The following AKAP19 variants were observed in gnomAD, a reference collection of about 807,000 sequenced individuals.
AKAP19 encodes the protein small A-kinase anchoring protein.
chr2:189,991,166 A>G, the AKAP19 span, among the ~76,000 whole-genome samples: 3,614 of 152,228 alleles, frequency 0.024, 146 homozygotes, highest in African/African-American at 0.083. Flanking sequence ...TGTGTATGCA[A>G]TTTTCTTTTT....
At chr2:190,056,876 G>A in the AKAP19 span, 1 of 228,008 alleles carries the variant, frequency 4.4e-6, no homozygotes, top group African/African-American at 2.3e-5. Flanking sequence ...TACCAATACT[G>A]TATGTGGATT....
At chr2:190,084,734 C>T in the AKAP19 span, among the ~76,000 whole-genome samples, 4 of 152,106 alleles carry the variant, frequency 2.6e-5, no homozygotes, top group South Asian at 2.1e-4. Context: ...CACGGGAGTA[C>T]GATAACCTAA....
At chr2:190,201,160 A>G in the AKAP19 span, 7 of 167,000 alleles carry the variant, frequency 4.2e-5, 1 homozygote, top group South Asian at 1.4e-3. Context: ...TTTAGTGGTA[A>G]CACAAGCCTA....
chr2:190,005,230 A>G, the AKAP19 span, among the ~76,000 whole-genome samples: 1 of 152,176 alleles, frequency 6.6e-6, no homozygotes, highest in South Asian at 2.1e-4. Context: ...GGGAGACCTG[A>G]CCAGGTTGCC....
chr2:190,084,752 C>CAAG, the AKAP19 span, among the ~76,000 whole-genome samples: 1 of 152,162 alleles, frequency 6.6e-6, no homozygotes, highest in East Asian at 1.9e-4. Context: ...TAACTTTCAA[C>CAAG]CTTGGCTTTG....
the AKAP19 span, among the ~76,000 whole-genome samples, chr2:190,012,183 G>A: frequency 6.6e-6 from 1 of 152,066 alleles, no homozygotes. Context: ...GGAGTGCAGT[G>A]GCACAATCTC....
At chr2:189,941,326 G>A in the AKAP19 span, among the ~76,000 whole-genome samples, 2 of 152,246 alleles carry the variant, frequency 1.3e-5, no homozygotes, top group East Asian at 3.9e-4. Context: ...ACAAACTTAG[G>A]ATGTAATTGT....
At chr2:190,026,360 C>A in the AKAP19 span, among the ~76,000 whole-genome samples, 1 of 152,296 alleles carries the variant, frequency 6.6e-6, no homozygotes, top group Non-Finnish European at 1.5e-5. Context: ...ACTATGAAAT[C>A]TTTGCATCCC....
At chr2:190,034,149 CAT>C in the AKAP19 span, among the ~76,000 whole-genome samples, 96 of 151,488 alleles carry the variant, frequency 6.3e-4, no homozygotes, top group Non-Finnish European at 1.3e-3. Context: ...GTGTGTTTAA[CAT>C]GTAGTAAACA....
chr2:190,090,661 C>G, the AKAP19 span, among the ~76,000 whole-genome samples: 4 of 152,074 alleles, frequency 2.6e-5, no homozygotes, highest in African/African-American at 4.8e-5. Flanking sequence ...AGGTTTGTAT[C>G]CCTTGCCTGA....
the AKAP19 span, among the ~76,000 whole-genome samples, chr2:190,100,434 G>A: frequency 6.6e-6 from 1 of 152,228 alleles, no homozygotes. Context: ...CATGCAAGTT[G>A]AGACAAAGAA....
At chr2:190,135,164 G>A in the AKAP19 span, among the ~76,000 whole-genome samples, 1 of 152,240 alleles carries the variant, frequency 6.6e-6, no homozygotes, top group South Asian at 2.1e-4. Context: ...TGAAAATGAG[G>A]TAGATTTTTT....
chr2:190,073,758 A>C, the AKAP19 span, among the ~76,000 whole-genome samples: 5 of 152,058 alleles, frequency 3.3e-5, no homozygotes, highest in South Asian at 4.1e-4. Flanking sequence ...TAAAAAAAAA[A>C]CTGCAGATAT....
the AKAP19 span, among the ~76,000 whole-genome samples, chr2:190,051,143 C>T: frequency 6.6e-6 from 1 of 152,108 alleles, no homozygotes; most frequent in Admixed American, 6.6e-5. Flanking sequence ...TGTATATACC[C>T]ATCTTAGTCA....
At chr2:189,930,913 T>TA in the AKAP19 span, 1 of 719,088 alleles carries the variant, frequency 1.4e-6, no homozygotes, top group Non-Finnish European at 2.5e-6. Flanking sequence ...CGGCTCCTGA[T>TA]ACGGCTTAGT....
At chr2:190,160,699 C>T in the AKAP19 span, among the ~76,000 whole-genome samples, 72,265 of 151,318 alleles carry the variant, frequency 0.48, 18,912 homozygotes, top group East Asian at 0.83. Flanking sequence ...TCTCAATTTG[C>T]GATTTTTTTT....
the AKAP19 span, among the ~76,000 whole-genome samples, chr2:190,131,385 T>A: frequency 6.6e-6 from 1 of 152,156 alleles, no homozygotes; most frequent in Non-Finnish European, 1.5e-5. Context: ...ATCCCTGAAC[T>A]ATGGGGTTTG....
the AKAP19 span, among the ~76,000 whole-genome samples, chr2:189,946,333 T>C: frequency 6.6e-6 from 1 of 152,206 alleles, no homozygotes; most frequent in African/African-American, 2.4e-5. Context: ...AGTTTAAAGC[T>C]GGGAGCAGGC....
the AKAP19 span, among the ~76,000 whole-genome samples, chr2:189,918,086 G>GT: frequency 3.3e-5 from 5 of 150,660 alleles, no homozygotes; most frequent in Admixed American, 1.3e-4. Context: ...CTCCCTTTAT[G>GT]TTTTTTTTAC....
Sources: allele counts gnomAD v4.1 joint callset (sites outside exome capture counted in the v4.1 genomes callset), GRCh38; gene constraint gnomAD v4.1.1; transcripts MANE v1.5; gene names NCBI Gene and HGNC (gene_info 2026-07-23, HGNC 2026-07-21).